PDP2: variants seen among roughly 807,000 people sequenced by gnomAD.
PDP2 encodes the protein pyruvate dehydrogenase phosphatase catalytic subunit 2, also known as [Pyruvate dehydrogenase [acetyl-transferring]]-phosphatase 2, mitochondrial.
PDP2 carries 23 observed loss-of-function variants against 34.2 expected under a neutral mutation model. That is an observed-to-expected ratio of 0.67 (90% CI 0.48 to 0.95). The LOEUF is 0.95. Among genes scored for constraint, PDP2 ranks in the 40% least tolerant of loss-of-function variants. The pLI, the probability that PDP2 is intolerant of heterozygous loss-of-function variation, is 0.00. For synonymous variants in PDP2, 275 were observed against 269.2 expected (o/e 1.02, Z -0.21); for missense variants, 571 against 659.6 (o/e 0.87, Z 1.47).
Position 66,885,970 on chromosome 16 carries a change from G to T in PDP2, c.*96G>T. On this transcript the variant is annotated 3_prime_UTR_variant, in exon 2 of 2. Coordinates refer to ENST00000311765, the MANE Select transcript of PDP2 (RefSeq NM_020786.4). This position sits in a 1 kb window ranked among gnomAD's most constrained non-coding sequence, Gnocchi z 4.6. ...CTATCCAAACCTTACTATTAAAAGC[G>T]CAGGCAGATTTAATTTGCTAAATAG... 2 of 1,283,748 alleles carry T rather than the reference G, an allele frequency of 1.6e-6. No homozygotes were observed. Among genetic ancestry groups the T allele is most frequent in the Non-Finnish European group, 2.2e-6 (2 of 923,904 alleles). 79.5% of individuals were successfully genotyped at this position (1,283,748 alleles called of 1,614,324 possible).
intron 1 of PDP2, among the ~76,000 whole-genome samples, chr16:66,883,854 T>C (rs1961615086): frequency 6.6e-6 from 1 of 152,162 alleles, no homozygotes; most frequent in Non-Finnish European, 1.5e-5. Context: ...TATTAGCAAA[T>C]GTTTTCAGAA....
chr16:66,885,692 G>A lies in PDP2; in HGVS notation c.1408G>A (p.Ala470Thr). The change falls in exon 2 of 2, where the codon GCA becomes ACA. Residue 470 changes from alanine (A) to threonine (T), a missense_variant. This residue lies in a region of PDP2 where 281 missense variants were observed against 375.8 expected (regional missense o/e 0.75). Coordinates refer to ENST00000311765, the MANE Select transcript of PDP2 (RefSeq NM_020786.4). This position sits in a 1 kb window ranked among gnomAD's most constrained non-coding sequence, Gnocchi z 4.6. The part of the protein sequence containing the change: ...ASGLHEADQN[A>T]ATRLIRHAIG... The stretch of plus-strand genomic sequence containing the variant: ...CGGGCTCCACGAGGCTGACCAAAAT[G>A]CAGCCACGCGGCTGATCAGACATGC... 2 of 1,614,086 alleles carry A rather than the reference G, an allele frequency of 1.2e-6. No individual in the cohort carries two copies. The highest frequency in any genetic ancestry group is 1.7e-6 in the Non-Finnish European group (2 of 1,179,988).
intron 1 of PDP2, among the ~76,000 whole-genome samples, chr16:66,883,685 C>T (rs145667986): frequency 0.032 from 4,720 of 148,568 alleles, 128 homozygotes; most frequent in Non-Finnish European, 0.04. Context: ...TGGGCTCAAG[C>T]TATCCACCCA....
chr16:66,885,551 G>A lies in PDP2; in HGVS notation c.1267G>A (p.Val423Met), dbSNP rs12923964. The A allele has an allele frequency of 7.4e-6, 12 of 1,613,988 alleles. No homozygotes were observed. In the East Asian group the frequency reaches 1.1e-4, roughly 15 times the overall value. The change falls in exon 2 of 2, where the codon GTG (valine) becomes ATG (methionine). Residue 423 changes from valine (V) to methionine (M), a missense_variant. By Grantham distance (21) the Val-to-Met change is conservative (BLOSUM62 1). Coordinates refer to ENST00000311765, the MANE Select transcript of PDP2 (RefSeq NM_020786.4). The surrounding 1 kb of genome is among the most constrained non-coding windows in gnomAD (Gnocchi z 4.6). The part of the protein sequence containing the change: ...GLWDMLSNED[V>M]VRLVVGHLAE... ...GTGGGACATGCTGAGCAATGAGGAC[G>A]TGGTAAGGCTGGTGGTGGGGCACCT...
rs1329030356 is a variant in PDP2, at chr16:66,887,991, G to GTCCGTCCGTCCT, written c.*2120_*2121insGTCCGTCCTTCC. The stretch of plus-strand genomic sequence containing the variant: ...AAAAATCCATCTTATCTCTTAGTCC[G>GTCCGTCCGTCCT]TCCTTCCTTCCTTCCTTCCTTCCTT... On this transcript the variant is annotated 3_prime_UTR_variant, in exon 2 of 2. Coordinates refer to ENST00000311765, the MANE Select transcript of PDP2 (RefSeq NM_020786.4). 3 of 97,348 alleles carry GTCCGTCCGTCCT rather than the reference G, an allele frequency of 3.1e-5. No homozygotes were observed. The highest frequency in any genetic ancestry group is 6.2e-5 in the Non-Finnish European group (3 of 48,112). 6.0% of individuals were successfully genotyped at this position (97,348 alleles called of 1,614,324 possible).
At chr16:66,882,026 C>A (rs1430036061) in intron 1 of PDP2, among the ~76,000 whole-genome samples, 3 of 152,104 alleles carry the variant, frequency 2.0e-5, no homozygotes, top group African/African-American at 7.2e-5. Flanking sequence ...GTAGAAACAA[C>A]CTCTAAATTT....
rs1032470934 is a variant in PDP2 at position 66,884,352 on chromosome 16, G to T, written c.68G>T (p.Gly23Val). Residue 23 changes from glycine (G) to valine (V), a missense_variant, in exon 2 of 2, where the codon GGT becomes GTT. Around this residue, in one of 2 missense-constraint regions of PDP2, gnomAD observed 290 missense variants for 283.8 expected, o/e 1.02. Coordinates refer to ENST00000311765, the MANE Select transcript of PDP2 (RefSeq NM_020786.4). The stretch of plus-strand genomic sequence containing the variant: ...AACAGCATTGCCACATTGCAAGGGG[G>T]TAGACGCTTATACTCCAGGTATGTC... ...TRNSIATLQG[G>V]RRLYSRYVSN... 1.9e-6 allele frequency: 3 copies of T among 1,613,968 alleles called. No homozygotes were observed. Among genetic ancestry groups the T allele is most frequent in the East Asian group, 4.5e-5 (2 of 44,878 alleles).
chr16:66,884,628 C>T lies in PDP2; in HGVS notation c.344C>T (p.Ala115Val). 1 of 1,614,270 alleles carries T rather than the reference C, an allele frequency of 6.2e-7. No homozygotes were observed. Among genetic ancestry groups the T allele is most frequent in the Non-Finnish European group, 8.5e-7 (1 of 1,180,046 alleles). ...SVLRFESNQLAANSPVEDRRG... is the reference protein window; with the variant it reads ...SVLRFESNQLVANSPVEDRRG... ...TTGCGGTTTGAGAGCAACCAGCTGG[C>T]TGCCAATTCCCCAGTGGAGGACCGG... The change falls in exon 2 of 2, where the codon GCT (alanine) becomes GTT (valine). Residue 115 changes from alanine (A) to valine (V), a missense_variant. Ala to Val is a moderately conservative substitution (Grantham distance 64). Transcript: ENST00000311765.
In PDP2 at chr16:66,884,952, T is replaced by A. The variant is rs1961686220; in HGVS notation, c.668T>A (p.Met223Lys). Residue 223 changes from methionine to lysine, a missense_variant, in exon 2 of 2, where the codon ATG becomes AAG. Met to Lys is a moderately conservative substitution (Grantham distance 95). Transcript: ENST00000311765. ...GAACTGCTTGATTTGCACATGGAAA[T>A]GGGACTAAGCATTGAAGAAGCATTA... ...WQELLDLHME[M>K]GLSIEEALMY... The A allele has an allele frequency of 1.2e-6, 2 of 1,613,840 alleles. No individual in the cohort carries two copies. The highest frequency in any genetic ancestry group is 3.3e-5 in the Admixed American group (2 of 59,998).
chr16:66,883,886 A>C (rs1297301232), intron 1 of PDP2, among the ~76,000 whole-genome samples: 1 of 151,926 alleles, frequency 6.6e-6, no homozygotes, highest in Non-Finnish European at 1.5e-5. Flanking sequence ...TAAGAAATTA[A>C]ATTTGTGGCT....
rs751694142 is a variant in PDP2, at chr16:66,884,590, C to A, written c.306C>A (p.Val102=). The A allele has an allele frequency of 6.2e-7, 1 of 1,614,222 alleles. No individual in the cohort carries two copies. The highest frequency in any genetic ancestry group is 1.7e-5 in the Admixed American group (1 of 60,022). The change falls in exon 2 of 2, where the codon GTC becomes GTA. Residue 102 remains valine, a synonymous_variant. Transcript: ENST00000311765. ...AGATTCTTGACCTTGAAAGCAGAGT[C>A]CCAAATTCAGTGTTGCGGTTTGAGA... The part of the protein sequence containing the change: ...THKILDLESR[V]PNSVLRFESN...
intron 1 of PDP2, among the ~76,000 whole-genome samples, chr16:66,883,785 T>C (rs1157931921): frequency 1.3e-5 from 2 of 151,608 alleles, no homozygotes; most frequent in East Asian, 1.9e-4. Flanking sequence ...TATAGTCTGC[T>C]GGTGAGAGTG....
At position 66,886,855 on chromosome 16, in the gene PDP2, G is replaced by C. The variant is rs576539581; in HGVS notation, c.*981G>C. On this transcript the variant is annotated 3_prime_UTR_variant, in exon 2 of 2. Transcript: ENST00000311765. ...GCCAACTGCAAAATATTGTCTGAAA[G>C]AATCTTTCACATGTTCCTGCTTCCT... 4.9e-4 allele frequency: 90 copies of C among 182,166 alleles called. No homozygotes were observed. The South Asian group carries it at 0.014, about 28-fold the overall frequency. 11.3% of individuals were successfully genotyped at this position (182,166 alleles called of 1,614,324 possible). A position where few individuals can be genotyped will look rare whatever the true frequency, so the allele number is the denominator to read the frequency against.
intron 1 of PDP2, chr16:66,883,082 CAGCCTTTGGAGTGGTTACAGGTATG>C (rs1166188274): frequency 6.6e-6 from 1 of 152,116 alleles, no homozygotes; most frequent in African/African-American, 2.4e-5. Context: ...CCTCCCGCCT[CAGCCTTTGGAGTGGTTACAGGTATG>C]AGCCACTATG....
At position 66,890,596 on chromosome 16, in the gene PDP2, T is replaced by C. The variant is rs1961962178; in HGVS notation, c.*4722T>C. ...AATTATACAGAACAAAACAAAGATG[T>C]GTTTAGAGTGACTCTGGCCTGACTC... On this transcript the variant is annotated 3_prime_UTR_variant, in exon 2 of 2. Transcript: ENST00000311765. 6.6e-6 allele frequency: 1 copy of C among 152,176 alleles called. No homozygotes were observed. The highest frequency in any genetic ancestry group is 1.5e-5 in the Non-Finnish European group (1 of 68,038). The allele number at this position is 152,176 out of a possible 1,614,324, so 9.4% of individuals were successfully genotyped here.
intron 1 of PDP2, among the ~76,000 whole-genome samples, chr16:66,881,277 G>T (rs1961502900): frequency 6.6e-6 from 1 of 152,114 alleles, no homozygotes; most frequent in African/African-American, 2.4e-5. Context: ...GACTTCTGCG[G>T]GGTGGGCTGG....
In PDP2 at chr16:66,889,051, C is replaced by G. The variant is rs1961900189; in HGVS notation, c.*3177C>G. On this transcript the variant is annotated 3_prime_UTR_variant, in exon 2 of 2. Coordinates refer to ENST00000311765, the MANE Select transcript of PDP2 (RefSeq NM_020786.4). ...CCACTATCCTGCTGTCATTGGACTT[C>G]TTGAAGCACATGGGCTACTGCCCCA... 1 of 148,902 alleles carries G rather than the reference C, an allele frequency of 6.7e-6. No homozygotes were observed. Among genetic ancestry groups the G allele is most frequent in the South Asian group, 2.1e-4 (1 of 4,692 alleles). 9.2% of individuals were successfully genotyped at this position (148,902 alleles called of 1,614,324 possible).
chr16:66,885,128 G>A lies in PDP2; in HGVS notation c.844G>A (p.Ala282Thr). ...AHVDGIHLHVANAGDCRAILG... is the reference protein window; with the variant it reads ...AHVDGIHLHVTNAGDCRAILG... ...TGTTGATGGAATTCACTTGCACGTG[G>A]CAAATGCTGGTGACTGCCGAGCCAT... The change falls in exon 2 of 2, where the codon GCA becomes ACA. Residue 282 changes from alanine to threonine, a missense_variant. Coordinates refer to ENST00000311765, the MANE Select transcript of PDP2 (RefSeq NM_020786.4). This position sits in a 1 kb window ranked among gnomAD's most constrained non-coding sequence, Gnocchi z 4.6. 1.9e-6 allele frequency: 3 copies of A among 1,613,934 alleles called. No individual in the cohort carries two copies. In the South Asian group the frequency reaches 3.3e-5, roughly 18 times the overall value.
Position 66,885,044 on chromosome 16 carries a change from G to C in PDP2, c.760G>C (p.Val254Leu), listed in dbSNP as rs945402675. The change falls in exon 2 of 2, where the codon GTG becomes CTG. Residue 254 changes from valine (V) to leucine (L), a missense_variant. Coordinates refer to ENST00000311765, the MANE Select transcript of PDP2 (RefSeq NM_020786.4). The surrounding 1 kb of genome is among the most constrained non-coding windows in gnomAD (Gnocchi z 4.6). ...AATCCAGGCCCCCCTGGAAGATGAGGTGACAAGGAACCTGTCACTCCAGGT... is the reference window on the plus strand; with the variant it reads ...AATCCAGGCCCCCCTGGAAGATGAGCTGACAAGGAACCTGTCACTCCAGGT... Reference protein sequence around the residue: ...LEIQAPLEDEVTRNLSLQVAF... With the variant: ...LEIQAPLEDELTRNLSLQVAF... 32 of 1,613,790 alleles carry C rather than the reference G, an allele frequency of 2.0e-5. No individual in the cohort carries two copies. Among genetic ancestry groups the C allele is most frequent in the African/African-American group, 4.0e-5 (3 of 74,940 alleles).
Sources: gnomAD v4.1 joint callset for allele counts (sites outside exome capture counted in the v4.1 genomes callset) on GRCh38, gnomAD v4.1.1 for gene constraint, gnomAD v4.1.1 regional missense constraint, Gnocchi (gnomAD v3.1) non-coding constraint, MANE v1.5 for transcripts, NCBI Gene and HGNC (gene_info 2026-07-23, HGNC 2026-07-21) for gene names.